The following SOS2 variants were observed in gnomAD, a reference collection of about 807,000 sequenced individuals.
SOS2 encodes the protein son of sevenless homolog 2.
SOS2 carries 65 observed loss-of-function variants against 148.2 expected under a neutral mutation model. The ratio of observed to expected loss-of-function variants is 0.44; its 90% CI spans 0.36 to 0.54. SOS2 has a LOEUF of 0.54. SOS2 is among the 20% of genes least tolerant of loss of function. The pLI, the probability that SOS2 is intolerant of heterozygous loss-of-function variation, is 0.00. For synonymous variants in SOS2, 539 were observed against 537.1 expected, an observed-to-expected ratio of 1.00 and a Z score of -0.05; for missense variants, 1,341 against 1,590.2, an observed-to-expected ratio of 0.84 and a Z score of 2.67.
At chr14:50,203,729 T>A (rs1396500870) in intron 2 of SOS2, among the ~76,000 whole-genome samples, 1 of 152,036 alleles carries the variant, frequency 6.6e-6, no homozygotes, top group Non-Finnish European at 1.5e-5. Context: ...AAATGTACAA[T>A]TTGTTGAGTT....
chr14:50,169,665 G>A (rs770787599), intron 8 of SOS2, among the ~76,000 whole-genome samples: 2 of 151,892 alleles, frequency 1.3e-5, no homozygotes, highest in Non-Finnish European at 2.9e-5. Context: ...TACATTGTTG[G>A]TTTATTGTTA....
chr14:50,155,071 TGATA>T (rs1427432978), intron 12 of SOS2, among the ~76,000 whole-genome samples: 1 of 152,016 alleles, frequency 6.6e-6, no homozygotes, highest in African/African-American at 2.4e-5. Flanking sequence ...AAAAATGAAC[TGATA>T]GATGAATGAT....
At position 50,199,865 on chromosome 14, in the gene SOS2, G is replaced by A. The variant is rs146395803; in HGVS notation, c.346-10C>T. ...TGTACCCTAATACTTCCTGTGAAAA[G>A]AATAAATAATTTAATTGCAAAATGT... On this transcript the variant is annotated splice_polypyrimidine_tract_variant and intron_variant, in intron 3 of 22. Coordinates refer to ENST00000216373, the MANE Select transcript of SOS2 (RefSeq NM_006939.4). 2.0e-6 allele frequency: 3 copies of A among 1,525,748 alleles called. No individual in the cohort carries two copies. The highest frequency in any genetic ancestry group is 2.8e-5 in the African/African-American group (2 of 71,172). The allele number at this position is 1,525,748 out of a possible 1,614,324, so 94.5% of individuals were successfully genotyped here.
rs564612889 is a variant in SOS2 at position 50,193,216 on chromosome 14, A to AT, written c.511-4517dup. On this transcript the variant is annotated intron_variant, in intron 4 of 22. Coordinates refer to ENST00000216373, the MANE Select transcript of SOS2 (RefSeq NM_006939.4). ...TTTCTTTCTTTGTTTCTTTTTTTAA[A>AT]TTTTTTGTAGAGATGATGTCTTGCT... Among the ~76,000 whole-genome samples the AT allele has an allele frequency of 1.4e-3, 210 of 151,746 alleles. 1 individual carries two copies. The highest frequency in any genetic ancestry group is 4.7e-3 in the African/African-American group (195 of 41,360).
chr14:50,174,498 G>A lies in SOS2; in HGVS notation c.1024C>T (p.Leu342=), dbSNP rs1033098930. The change falls in exon 8 of 23, where the codon CTG becomes TTG. Residue 342 remains leucine, a synonymous_variant. Coordinates refer to ENST00000216373, the MANE Select transcript of SOS2 (RefSeq NM_006939.4). ...AVRYVLPRLM[L]VPVYHCWHYF... is the part of the protein sequence containing the mutation. The stretch of plus-strand genomic sequence containing the variant: ...TGCCAACAGTGATACACTGGCACCA[G>A]CATAAGACGTGGAAGGACATAACGA... The A allele has an allele frequency of 3.1e-6, 5 of 1,610,316 alleles. No homozygotes were observed. The highest frequency in any genetic ancestry group is 3.4e-6 in the Non-Finnish European group (4 of 1,177,626).
chr14:50,170,795 T>A (rs1885336015), intron 8 of SOS2, among the ~76,000 whole-genome samples: 1 of 149,626 alleles, frequency 6.7e-6, no homozygotes, highest in African/African-American at 2.5e-5. Flanking sequence ...CTCGTATCCA[T>A]TAGGATGACT....
At chr14:50,137,067 G>A (rs916221375) in intron 18 of SOS2, among the ~76,000 whole-genome samples, 10 of 152,076 alleles carry the variant, frequency 6.6e-5, no homozygotes, top group South Asian at 2.1e-4. Context: ...AAAGTTTAGC[G>A]CAGTTTTTAA....
At chr14:50,162,685 T>C (rs1885047506) in intron 8 of SOS2, among the ~76,000 whole-genome samples, 1 of 152,194 alleles carries the variant, frequency 6.6e-6, no homozygotes, top group Non-Finnish European at 1.5e-5. Context: ...AGGATTCCAC[T>C]GCTATTTTTT....
intron 1 of SOS2, among the ~76,000 whole-genome samples, chr14:50,213,200 G>A (rs1339957636): frequency 6.6e-6 from 1 of 152,204 alleles, no homozygotes; most frequent in African/African-American, 2.4e-5. Context: ...GTGCAGGTCA[G>A]AAGGCTCTGG....
chr14:50,219,139 C>T (rs530744964), intron 1 of SOS2, among the ~76,000 whole-genome samples: 5 of 152,168 alleles, frequency 3.3e-5, no homozygotes, highest in East Asian at 1.9e-4. Context: ...AAGCATCCAC[C>T]TACTATCCGA....
intron 8 of SOS2, among the ~76,000 whole-genome samples, chr14:50,166,444 G>T (rs112761822): frequency 0.058 from 8,827 of 152,074 alleles, 419 homozygotes; most frequent in South Asian, 0.21. Context: ...GCCCAGGCTG[G>T]TCTCAAATTC....
At chr14:50,202,730 G>A (rs1886533667) in intron 2 of SOS2, among the ~76,000 whole-genome samples, 1 of 151,744 alleles carries the variant, frequency 6.6e-6, no homozygotes, top group Admixed American at 6.6e-5. Flanking sequence ...GCAAGACCCT[G>A]TCTCTTAAAA....
chr14:50,219,280 CATAAAT>C (rs1361512304), intron 1 of SOS2, among the ~76,000 whole-genome samples: 1 of 151,856 alleles, frequency 6.6e-6, no homozygotes, highest in African/African-American at 2.4e-5. Context: ...ACTAAATGTA[CATAAAT>C]AAGTGAATGG....
intron 16 of SOS2, among the ~76,000 whole-genome samples, 186 bp downstream of exon 16, chr14:50,144,984 T>C (rs993352112): frequency 6.6e-6 from 1 of 151,950 alleles, no homozygotes; most frequent in Non-Finnish European, 1.5e-5. Context: ...AGGATTCACA[T>C]ATTATATATC....
intron 7 of SOS2, among the ~76,000 whole-genome samples, chr14:50,177,873 C>T (rs546840833): frequency 3.4e-4 from 51 of 152,110 alleles, no homozygotes; most frequent in African/African-American, 1.2e-3. Context: ...TTCAAGGCAG[C>T]TGGTTATATG....
chr14:50,220,418 A>AAAAAAAAAAAAAAAAAAAAC (rs1211876038), intron 1 of SOS2, among the ~76,000 whole-genome samples: 3 of 146,080 alleles, frequency 2.1e-5, no homozygotes, highest in Non-Finnish European at 4.5e-5. Flanking sequence ...AAAAAAAAAA[A>AAAAAAAAAAAAAAAAAAAAC]AAAAGAACAG....
intron 1 of SOS2, chr14:50,215,287 T>A (rs1436922658): frequency 8.3e-6 from 6 of 726,374 alleles, no homozygotes; most frequent in Non-Finnish European, 9.8e-6. Flanking sequence ...AATTTGAACA[T>A]CAAGCATCAA....
chr14:50,130,791 C>T (rs776244709), intron 19 of SOS2, 29 bp from the exon 20 acceptor site: 1 of 1,571,572 alleles, frequency 6.4e-7, no homozygotes. Context: ...ATTAATGTCA[C>T]AAATTTGCAT....
At chr14:50,203,281 T>G (rs375813935) in intron 2 of SOS2, among the ~76,000 whole-genome samples, 1 of 152,022 alleles carries the variant, frequency 6.6e-6, no homozygotes, top group Admixed American at 6.6e-5. Flanking sequence ...GGCAGGAGAA[T>G]AGCTTGAACC....
Sources: gnomAD v4.1 joint callset for allele counts (sites outside exome capture counted in the v4.1 genomes callset) on GRCh38, gnomAD v4.1.1 for gene constraint, MANE v1.5 for transcripts, NCBI Gene and HGNC (gene_info 2026-07-23, HGNC 2026-07-21) for gene names.